Variants in VRK1 observed in about 807,000 individuals in gnomAD.
The protein encoded by VRK1 is serine/threonine-protein kinase VRK1.
VRK1 carries 33 observed loss-of-function variants against 57.1 expected under a neutral mutation model. The observed-to-expected ratio is 0.58, with a 90% CI of 0.44 to 0.77. The LOEUF (loss-of-function observed/expected upper bound fraction) is 0.77, where lower values mean the gene tolerates loss of function less well. Among genes scored for constraint, VRK1 ranks in the 30% least tolerant of loss-of-function variants. The pLI is 0.00. For synonymous variants in VRK1, 137 were observed against 147.8 expected (o/e 0.93, Z 0.53); for missense variants, 413 against 477.3 (o/e 0.87, Z 1.25).
chr14:96,860,803 A>G (rs751815053), intron 11 of VRK1, 68 bp downstream of exon 11: 8 of 1,532,586 alleles, frequency 5.2e-6, no homozygotes, highest in Non-Finnish European at 6.3e-6. Flanking sequence ...ACTAAAAGAA[A>G]GTATAGCAGT....
At chr14:96,810,944 TA>T (rs929590661) in intron 1 of VRK1, among the ~76,000 whole-genome samples, 6 of 148,586 alleles carry the variant, frequency 4.0e-5, no homozygotes, top group African/African-American at 1.5e-4. Flanking sequence ...TTTTTTTTTT[TA>T]ATTTTTTTTT....
intron 12 of VRK1, among the ~76,000 whole-genome samples, chr14:96,880,337 T>A (rs1217197134): frequency 6.6e-6 from 1 of 152,170 alleles, no homozygotes; most frequent in Non-Finnish European, 1.5e-5. Flanking sequence ...CAGTCATTGA[T>A]TAATTATGAG....
chr14:96,851,200 G>C (rs1887932889), intron 5 of VRK1, among the ~76,000 whole-genome samples: 1 of 151,794 alleles, frequency 6.6e-6, no homozygotes, highest in Admixed American at 6.6e-5. Context: ...GAGTGCAGTG[G>C]CTCAATCTTG....
At chr14:96,835,133 A>G (rs760327704) in intron 2 of VRK1, among the ~76,000 whole-genome samples, 60 of 152,122 alleles carry the variant, frequency 3.9e-4, no homozygotes, top group Non-Finnish European at 2.2e-4. Context: ...TGGGATGACT[A>G]ATCTGTAAAA....
Position 96,832,862 on chromosome 14 carries a change from A to G in VRK1, c.-5-605A>G, listed in dbSNP as rs1887062734. ...AGCATGTTGGTGAGGTCTTGGAGCCAGGTGGTCACCGGTGCAATTTTCTGT... is the reference window on the plus strand; with the variant it reads ...AGCATGTTGGTGAGGTCTTGGAGCCGGGTGGTCACCGGTGCAATTTTCTGT... On this transcript the variant is annotated intron_variant, in intron 1 of 12. Coordinates refer to ENST00000216639, the MANE Select transcript of VRK1 (RefSeq NM_003384.3). Among the ~76,000 whole-genome samples, 3 of 152,282 alleles carry G rather than the reference A, an allele frequency of 2.0e-5. No individual in the cohort carries two copies. The South Asian group carries it at 6.2e-4, about 32-fold the overall frequency.
chr14:96,852,305 T>C (rs1417973098), intron 5 of VRK1, among the ~76,000 whole-genome samples: 3 of 151,994 alleles, frequency 2.0e-5, no homozygotes, highest in Admixed American at 2.0e-4. Flanking sequence ...TCTTGGCCAT[T>C]GAGTGTTTAA....
At chr14:96,860,795 T>C (rs1888358897) in intron 11 of VRK1, 60 bp downstream of exon 11, 1 of 1,562,666 alleles carries the variant, frequency 6.4e-7, no homozygotes, top group Non-Finnish European at 8.8e-7. Context: ...CAATAAATAC[T>C]AAAAGAAAGT....
At chr14:96,858,601 C>A (rs1280331036) in intron 10 of VRK1, among the ~76,000 whole-genome samples, 1 of 152,150 alleles carries the variant, frequency 6.6e-6, no homozygotes, top group East Asian at 1.9e-4. Flanking sequence ...TCTTTCCTAT[C>A]CCCATATTTA....
chr14:96,837,420 G>A (rs911020139), intron 2 of VRK1, among the ~76,000 whole-genome samples: 1 of 152,062 alleles, frequency 6.6e-6, no homozygotes, highest in South Asian at 2.1e-4. Context: ...TTTAAGAAAT[G>A]TATTACTTAT....
intron 1 of VRK1, among the ~76,000 whole-genome samples, chr14:96,821,446 C>T (rs1019617145): frequency 6.6e-6 from 1 of 151,842 alleles, no homozygotes; most frequent in South Asian, 2.1e-4. Context: ...TTAAAAAAAA[C>T]AAAACAAAAC....
chr14:96,800,328 C>T (rs772199034), intron 1 of VRK1, among the ~76,000 whole-genome samples: 4 of 152,126 alleles, frequency 2.6e-5, no homozygotes, highest in Non-Finnish European at 5.9e-5. Flanking sequence ...ATTACTCCTG[C>T]TCCATCTCTC....
chr14:96,799,947 CTTTT>C (rs776080402), intron 1 of VRK1, among the ~76,000 whole-genome samples: 3 of 130,190 alleles, frequency 2.3e-5, no homozygotes, highest in South Asian at 2.5e-4. Context: ...TAGTGTACGT[CTTTT>C]TTTTTTTTTT....
intron 1 of VRK1, among the ~76,000 whole-genome samples, chr14:96,807,108 C>CT (rs1246699544): frequency 6.6e-6 from 1 of 152,178 alleles, no homozygotes; most frequent in African/African-American, 2.4e-5. Context: ...ACTGTTTGTT[C>CT]TCTGCACTGT....
At chr14:96,819,543 G>C (rs1000274378) in intron 1 of VRK1, among the ~76,000 whole-genome samples, 1 of 152,152 alleles carries the variant, frequency 6.6e-6, no homozygotes, top group African/African-American at 2.4e-5. Flanking sequence ...AATAATTGCG[G>C]TTTTGGACTG....
intron 11 of VRK1, among the ~76,000 whole-genome samples, chr14:96,869,962 A>G (rs1219768472): frequency 6.6e-6 from 1 of 152,138 alleles, no homozygotes; most frequent in Non-Finnish European, 1.5e-5. Context: ...TTTGGTTTTC[A>G]TTGATGTATT....
At chr14:96,847,518 A>G (rs552773644) in intron 5 of VRK1, among the ~76,000 whole-genome samples, 174 bp downstream of exon 5, 9 of 152,330 alleles carry the variant, frequency 5.9e-5, no homozygotes, top group African/African-American at 1.4e-4. Flanking sequence ...TCTGCTTTCC[A>G]TAGCAGCAGG....
intron 1 of VRK1, among the ~76,000 whole-genome samples, chr14:96,819,475 G>A (rs989286168): frequency 2.0e-5 from 3 of 152,190 alleles, no homozygotes; most frequent in Admixed American, 1.3e-4. Flanking sequence ...TGCTGGGGCT[G>A]TTGTGGAGTA....
intron 2 of VRK1, among the ~76,000 whole-genome samples, chr14:96,837,027 T>A (rs988664911): frequency 5.9e-5 from 9 of 152,194 alleles, no homozygotes; most frequent in African/African-American, 2.2e-4. Context: ...CAAATGTACT[T>A]CATATTTTAT....
chr14:96,849,809 A>T (rs1887878461), intron 5 of VRK1, among the ~76,000 whole-genome samples: 1 of 152,206 alleles, frequency 6.6e-6, no homozygotes, highest in African/African-American at 2.4e-5. Flanking sequence ...CCACACTGTC[A>T]TATCACATTT....
Sources: gnomAD v4.1 joint callset for allele counts (sites outside exome capture counted in the v4.1 genomes callset) on GRCh38, gnomAD v4.1.1 for gene constraint, MANE v1.5 for transcripts, NCBI Gene and HGNC (gene_info 2026-07-23, HGNC 2026-07-21) for gene names.